Variants in LMO3 observed in about 807,000 individuals in gnomAD.
LMO3 encodes LIM domain only protein 3.
Under a neutral mutation model 15.8 loss-of-function variants are expected in LMO3, and 2 were observed. The ratio of observed to expected loss-of-function variants is 0.13; its 90% CI spans 0.05 to 0.40. The LOEUF is 0.40. Ranked by LOEUF, LMO3 falls within the 10% of genes least tolerant of loss-of-function variation. The pLI is 0.99. For synonymous variants in LMO3, 62 were observed against 63.8 expected (o/e 0.97, Z 0.13); for missense variants, 86 against 182.2 (o/e 0.47, Z 3.04).
At chr12:16,558,196 T>C (rs1411267661) in intron 3 of LMO3, among the ~76,000 whole-genome samples, 1 of 152,106 alleles carries the variant, frequency 6.6e-6, no homozygotes, top group African/African-American at 2.4e-5. Flanking sequence ...ATTTATACAA[T>C]GTCATTTGTC....
At chr12:16,563,563 C>A (rs1405283417) in intron 2 of LMO3, among the ~76,000 whole-genome samples, 2 of 152,024 alleles carry the variant, frequency 1.3e-5, no homozygotes. Context: ...ATTTTGAGTA[C>A]TCATAATCCT....
In LMO3 at chr12:16,560,306, C is replaced by T. The variant is rs1377558391; in HGVS notation, c.332+107G>A. 9 of 1,259,414 alleles carry T rather than the reference C, an allele frequency of 7.1e-6. No homozygotes were observed. The highest frequency in any genetic ancestry group is 2.0e-4 in the Middle Eastern group (1 of 5,038). The allele number at this position is 1,259,414 out of a possible 1,614,324, so 78.0% of individuals were successfully genotyped here. ...TTAAAGTTTACAGAACAGAAAAACG[C>T]TGAGATTGATTGCTTTAAATGTATG... On this transcript the variant is annotated intron_variant, in intron 3 of 3. Coordinates refer to ENST00000537304, the MANE Select transcript of LMO3 (RefSeq NM_018640.5). The surrounding 1 kb of genome is among the most constrained non-coding windows in gnomAD (Gnocchi z 5.0).
In LMO3 at chr12:16,584,588, G is replaced by T. The variant is rs537273418; in HGVS notation, c.206+16067C>A. ...TTAACATTGGCAAGTGGAGGAGTGG[G>T]GGGGGTAAGAGGCCTGTTTAGAGGT... On this transcript the variant is annotated intron_variant, in intron 2 of 3. Transcript: ENST00000537304. This position sits in a 1 kb window ranked among gnomAD's most constrained non-coding sequence, Gnocchi z 5.2. 2.6e-5 allele frequency among the ~76,000 whole-genome samples: 4 copies of T among 152,146 alleles called. No homozygotes were observed. Among genetic ancestry groups the T allele is most frequent in the African/African-American group, 4.8e-5 (2 of 41,430 alleles).
chr12:16,564,287 T>C (rs1191726320), intron 2 of LMO3, among the ~76,000 whole-genome samples: 4 of 151,842 alleles, frequency 2.6e-5, no homozygotes, highest in African/African-American at 9.7e-5. Context: ...TTAATAACTT[T>C]TGTGTATGGG....
chr12:16,567,261 T>C (rs1850325571), intron 2 of LMO3: 2 of 165,452 alleles, frequency 1.2e-5, no homozygotes, highest in Admixed American at 6.4e-5. Context: ...ATCCCAGCAA[T>C]AATTCATGGT....
At position 16,593,101 on chromosome 12, in the gene LMO3, C is replaced by T. The variant is rs1943544916; in HGVS notation, c.206+7554G>A. 6.6e-6 allele frequency among the ~76,000 whole-genome samples: 1 copy of T among 151,676 alleles called. No homozygotes were observed. Among genetic ancestry groups the T allele is most frequent in the Non-Finnish European group, 1.5e-5 (1 of 67,772 alleles). On this transcript the variant is annotated intron_variant, in intron 2 of 3. Transcript: ENST00000537304. This position sits in a 1 kb window ranked among gnomAD's most constrained non-coding sequence, Gnocchi z 4.2. Reference sequence around the variant, plus strand: ...CACATTTTATGAAGTTCCATGCCTGCTTACTAGTCCTTGTCATATCTGATA... The same window carrying T: ...CACATTTTATGAAGTTCCATGCCTGTTTACTAGTCCTTGTCATATCTGATA...
chr12:16,608,719 AAGGAGAGACAG>A (rs1944075278), upstream of LMO3: 1 of 151,952 alleles, frequency 6.6e-6, no homozygotes, highest in African/African-American at 2.4e-5. This position sits in a 1 kb window ranked among gnomAD's most constrained non-coding sequence, Gnocchi z 4.1. Context: ...AGAGAGAGAG[AAGGAGAGACAG>A]AGGAGAGAGA....
intron 2 of LMO3, among the ~76,000 whole-genome samples, chr12:16,590,828 T>C (rs1291197658): frequency 6.6e-6 from 1 of 152,038 alleles, no homozygotes; most frequent in Non-Finnish European, 1.5e-5. Flanking sequence ...TCATCCCCCT[T>C]AGATTGGCAA....
chr12:16,560,651 A>C lies in LMO3; in HGVS notation c.207-113T>G. 1.1e-6 allele frequency: 1 copy of C among 934,508 alleles called. No homozygotes were observed. The highest frequency in any genetic ancestry group is 1.6e-6 in the Non-Finnish European group (1 of 614,152). 57.9% of individuals were successfully genotyped at this position (934,508 alleles called of 1,614,324 possible). Reference sequence around the variant, plus strand: ...AAGCTACAATACACAATGCTTTATGATGTACACAAGTGGATTTTATCCTAG... The same window carrying C: ...AAGCTACAATACACAATGCTTTATGCTGTACACAAGTGGATTTTATCCTAG... On this transcript the variant is annotated intron_variant, in intron 2 of 3. Transcript: ENST00000537304. This position sits in a 1 kb window ranked among gnomAD's most constrained non-coding sequence, Gnocchi z 5.0.
intron 2 of LMO3, among the ~76,000 whole-genome samples, chr12:16,588,464 A>C (rs753740646): frequency 2.6e-5 from 4 of 152,124 alleles, no homozygotes; most frequent in African/African-American, 4.8e-5. Context: ...GGAATATTAA[A>C]TATAATGCTT....
chr12:16,571,990 C>A (rs868208180), intron 2 of LMO3, among the ~76,000 whole-genome samples: 1 of 151,756 alleles, frequency 6.6e-6, no homozygotes, highest in African/African-American at 2.4e-5. Flanking sequence ...AGAGAAAAAT[C>A]CCACATTATC....
intron 2 of LMO3, chr12:16,600,162 G>A (rs1015209471): frequency 1.3e-5 from 2 of 153,018 alleles, no homozygotes; most frequent in African/African-American, 4.9e-5. Flanking sequence ...CAACTTAGAG[G>A]CAACAATTAA....
At chr12:16,554,820 C>A (rs1458816440) in intron 3 of LMO3, among the ~76,000 whole-genome samples, 1 of 152,118 alleles carries the variant, frequency 6.6e-6, no homozygotes, top group Non-Finnish European at 1.5e-5. Flanking sequence ...CCTCGACCGG[C>A]TCATTTTTTT....
rs1943677412 is a variant in LMO3, at chr12:16,596,932, C to T, written c.206+3723G>A. 6.6e-6 allele frequency among the ~76,000 whole-genome samples: 1 copy of T among 151,624 alleles called. No homozygotes were observed. Among genetic ancestry groups the T allele is most frequent in the South Asian group, 2.1e-4 (1 of 4,824 alleles). On this transcript the variant is annotated intron_variant, in intron 2 of 3. Transcript: ENST00000537304. The surrounding 1 kb of genome is among the most constrained non-coding windows in gnomAD (Gnocchi z 4.3). Reference sequence around the variant, plus strand: ...AAAAAAATAAAAATAATTATAAATGCATTGGATAGATTTTTAACAGATACA... The same window carrying T: ...AAAAAAATAAAAATAATTATAAATGTATTGGATAGATTTTTAACAGATACA...
chr12:16,557,505 C>T (rs1942236630), intron 3 of LMO3, among the ~76,000 whole-genome samples: 1 of 151,764 alleles, frequency 6.6e-6, no homozygotes, highest in African/African-American at 2.4e-5. Context: ...CAGCATATGC[C>T]TTCAAACTGT....
intron 2 of LMO3, chr12:16,573,791 C>A (rs1565494109): frequency 6.6e-6 from 1 of 152,122 alleles, no homozygotes; most frequent in Non-Finnish European, 1.5e-5. Flanking sequence ...AGAAGTTGAT[C>A]GGGGGTAGAG....
At chr12:16,564,606 A>G (rs557499595) in intron 2 of LMO3, among the ~76,000 whole-genome samples, 3 of 152,314 alleles carry the variant, frequency 2.0e-5, no homozygotes, top group African/African-American at 7.2e-5. Context: ...TTTTTTAACC[A>G]GGTCAGTGGC....
At position 16,584,270 on chromosome 12, in the gene LMO3, G is replaced by T. The variant is rs1591811132; in HGVS notation, c.206+16385C>A. ...CTAAGATTGCCAGTTTCTCCTCTTG[G>T]CTTCATGGAATGTGGGATTTACATG... On this transcript the variant is annotated intron_variant, in intron 2 of 3. Transcript: ENST00000537304. The surrounding 1 kb of genome is among the most constrained non-coding windows in gnomAD (Gnocchi z 5.2). 6.6e-6 allele frequency among the ~76,000 whole-genome samples: 1 copy of T among 152,160 alleles called. No individual in the cohort carries two copies. The highest frequency in any genetic ancestry group is 6.6e-5 in the Admixed American group (1 of 15,262).
Position 16,576,085 on chromosome 12 carries a change from G to A in LMO3, c.207-15547C>T, listed in dbSNP as rs555742647. On this transcript the variant is annotated intron_variant, in intron 2 of 3. Coordinates refer to ENST00000537304, the MANE Select transcript of LMO3 (RefSeq NM_018640.5). This position sits in a 1 kb window ranked among gnomAD's most constrained non-coding sequence, Gnocchi z 4.1. ...CAGTAAGCTACTTCTAGCGCGCATC[G>A]CTTCTCCCTTGCACTCATACTACAA... Among the ~76,000 whole-genome samples, 14 of 152,208 alleles carry A rather than the reference G, an allele frequency of 9.2e-5. No individual in the cohort carries two copies. In the South Asian group the frequency reaches 2.7e-3, roughly 29 times the overall value.
Sources: allele counts gnomAD v4.1 joint callset (sites outside exome capture counted in the v4.1 genomes callset), GRCh38; gene constraint gnomAD v4.1.1; non-coding constraint Gnocchi (gnomAD v3.1); transcripts MANE v1.5; gene names NCBI Gene and HGNC (gene_info 2026-07-23, HGNC 2026-07-21).